Variants in PLEKHM2 observed in about 807,000 individuals in gnomAD.
PLEKHM2 encodes the protein pleckstrin homology domain-containing family M member 2.
PLEKHM2 carries 77 observed loss-of-function variants against 116.3 expected under a neutral mutation model. That is an observed-to-expected ratio of 0.66 (90% confidence interval 0.55 to 0.80). The LOEUF is 0.80. Among genes scored for constraint, PLEKHM2 ranks in the 30% least tolerant of loss-of-function variants. The pLI, the probability that PLEKHM2 is intolerant of heterozygous loss-of-function variation, is 0.00. For synonymous variants in PLEKHM2, 562 were observed against 571.0 expected, an observed-to-expected ratio of 0.98 and a Z score of 0.22; for missense variants, 1,183 against 1,354.9, an observed-to-expected ratio of 0.87 and a Z score of 1.99.
At position 15,727,185 on chromosome 1, in the gene PLEKHM2, C is replaced by G. The variant is rs1224535671; in HGVS notation, c.1113C>G (p.Ser371=). The G allele has an allele frequency of 1.2e-6, 2 of 1,605,146 alleles. No individual in the cohort carries two copies. Residue 371 remains serine (S), a synonymous_variant, in exon 9 of 20, where the codon TCC becomes TCG. Transcript: ENST00000375799. This position sits in a 1 kb window ranked among gnomAD's most constrained non-coding sequence, Gnocchi z 7.5. ...ACTCGCCAGACACTATGCTTGCCTC[C>G]CCCCAGGAGGAGGGAGAGGGGCCGA... The part of the protein sequence containing the change: ...GRDSPDTMLA[S]PQEEGEGPSS...
intron 1 of PLEKHM2, among the ~76,000 whole-genome samples, chr1:15,700,754 C>T (rs770230808): frequency 2.0e-5 from 3 of 152,186 alleles, no homozygotes; most frequent in Non-Finnish European, 4.4e-5. Flanking sequence ...TGTCTTAGAT[C>T]GCAGAGGAGA....
chr1:15,689,701 G>A (rs537367578), intron 1 of PLEKHM2, among the ~76,000 whole-genome samples: 11 of 152,312 alleles, frequency 7.2e-5, no homozygotes, highest in Non-Finnish European at 1.3e-4. Flanking sequence ...ACTTGCAAGC[G>A]TCTCTGTGGA....
chr1:15,720,019 C>T lies in PLEKHM2; in HGVS notation c.652+99C>T. The T allele has an allele frequency of 3.0e-6, 3 of 1,008,962 alleles. No homozygotes were observed. The South Asian group carries it at 5.4e-5, about 18-fold the overall frequency. The allele number at this position is 1,008,962 out of a possible 1,614,324, so 62.5% of individuals were successfully genotyped here. ...GATGTCTTCCTTGGCTAGTTTTGGT[C>T]TGGTGGCTGAAATTTGCAATTAAAC... On this transcript the variant is annotated intron_variant, in intron 6 of 19. Transcript: ENST00000375799.
chr1:15,708,515 C>T (rs9662456), intron 1 of PLEKHM2, among the ~76,000 whole-genome samples: 24,268 of 151,978 alleles, frequency 0.16, 3,529 homozygotes, highest in African/African-American at 0.39. Flanking sequence ...GTGCCCGGTC[C>T]GGAACGGCAT....
intron 1 of PLEKHM2, among the ~76,000 whole-genome samples, chr1:15,686,356 C>T (rs559494674): frequency 5.3e-5 from 8 of 152,296 alleles, no homozygotes; most frequent in Admixed American, 2.0e-4. Context: ...ATTGAATCCC[C>T]GCCCTGCCAA....
intron 1 of PLEKHM2, among the ~76,000 whole-genome samples, chr1:15,690,069 T>TG (rs201903117): frequency 0.096 from 14,449 of 150,632 alleles, 940 homozygotes; most frequent in African/African-American, 0.18. Context: ...GTTTTTTTTT[T>TG]TTTTGTTTTG....
chr1:15,715,044 T>A (rs905927875), intron 1 of PLEKHM2, among the ~76,000 whole-genome samples: 2 of 152,180 alleles, frequency 1.3e-5, no homozygotes, highest in Non-Finnish European at 2.9e-5. Flanking sequence ...CCAAATCTCC[T>A]TTTATCAGCC....
chr1:15,707,873 G>C (rs10927836), intron 1 of PLEKHM2, among the ~76,000 whole-genome samples: 55,934 of 152,062 alleles, frequency 0.37, 13,435 homozygotes, highest in African/African-American at 0.68. Flanking sequence ...CTACCATGGG[G>C]TTTTAGTTCT....
intron 1 of PLEKHM2, among the ~76,000 whole-genome samples, chr1:15,708,751 G>A (rs7514858): frequency 0.37 from 55,829 of 151,908 alleles, 13,409 homozygotes; most frequent in African/African-American, 0.68. Flanking sequence ...TACATTATTC[G>A]TTCTGGGACC....
chr1:15,730,776 T>C (rs2068131290), intron 15 of PLEKHM2, 54 bp downstream of exon 15: 5 of 1,432,878 alleles, frequency 3.5e-6, no homozygotes, highest in African/African-American at 1.4e-5. Context: ...GTGGCTGGGC[T>C]GTCAGGTCCC....
chr1:15,721,256 C>T lies in PLEKHM2; in HGVS notation c.653-73C>T. ...TCTCCCCATGTCTCCCACCCCATTT[C>T]CCCTCCCCTCCCTCCAGTCATCCTT... On this transcript the variant is annotated intron_variant, in intron 6 of 19. Coordinates refer to ENST00000375799, the MANE Select transcript of PLEKHM2 (RefSeq NM_015164.4). The surrounding 1 kb of genome is among the most constrained non-coding windows in gnomAD (Gnocchi z 5.1). 105 of 593,972 alleles carry T rather than the reference C, an allele frequency of 1.8e-4. No individual in the cohort carries two copies. The highest frequency in any genetic ancestry group is 2.3e-4 in the Non-Finnish European group (74 of 323,364). 36.8% of individuals were successfully genotyped at this position (593,972 alleles called of 1,614,324 possible). A position where few individuals can be genotyped will look rare whatever the true frequency, so the allele number is the denominator to read the frequency against.
At chr1:15,693,284 G>T (rs553420025) in intron 1 of PLEKHM2, among the ~76,000 whole-genome samples, 2 of 149,108 alleles carry the variant, frequency 1.3e-5, no homozygotes, top group African/African-American at 2.5e-5. Context: ...CAAGTGATCC[G>T]CCCGCCTTGG....
At chr1:15,688,607 G>A (rs554375216) in intron 1 of PLEKHM2, among the ~76,000 whole-genome samples, 6 of 146,714 alleles carry the variant, frequency 4.1e-5, no homozygotes, top group Middle Eastern at 3.6e-3. Flanking sequence ...CTGAGATCGC[G>A]CCATTGCACT....
Position 15,685,978 on chromosome 1 carries a change from C to T in PLEKHM2, c.60+1360C>T, listed in dbSNP as rs114291369. ...ATGGAAGAGAAAGGAACACAGGTGACCTTTCTAATCTAATCTGGGCTGATT... is the reference window on the plus strand; with the variant it reads ...ATGGAAGAGAAAGGAACACAGGTGATCTTTCTAATCTAATCTGGGCTGATT... On this transcript the variant is annotated intron_variant, in intron 1 of 19. Coordinates refer to ENST00000375799, the MANE Select transcript of PLEKHM2 (RefSeq NM_015164.4). 9.2e-3 allele frequency among the ~76,000 whole-genome samples: 1,405 copies of T among 152,268 alleles called. 21 individuals are homozygous for T. Among genetic ancestry groups the T allele is most frequent in the African/African-American group, 0.032 (1,344 of 41,524 alleles).
chr1:15,722,229 C>T (rs572787695), intron 7 of PLEKHM2, among the ~76,000 whole-genome samples: 3 of 152,160 alleles, frequency 2.0e-5, no homozygotes, highest in Non-Finnish European at 4.4e-5. Flanking sequence ...CTGTAACCTC[C>T]ACCTCCCGGG....
In PLEKHM2 at chr1:15,684,626, C is replaced by G; in HGVS notation, c.60+8C>G. The G allele has an allele frequency of 7.8e-7, 1 of 1,281,806 alleles. No individual in the cohort carries two copies. Among genetic ancestry groups the G allele is most frequent in the Non-Finnish European group, 1.0e-6 (1 of 1,002,320 alleles). 79.4% of individuals were successfully genotyped at this position (1,281,806 alleles called of 1,614,324 possible). On this transcript the variant is annotated splice_region_variant and intron_variant, in intron 1 of 19. Transcript: ENST00000375799. ...TCGCTGTCGGTGAAGAAGGTGAGCG[C>G]GGCCTCCCTCCCGGCCGGGGCCCCT...
chr1:15,729,772 A>G lies in PLEKHM2; in HGVS notation c.2076-25A>G, dbSNP rs1276306368. On this transcript the variant is annotated intron_variant, in intron 13 of 19. Coordinates refer to ENST00000375799, the MANE Select transcript of PLEKHM2 (RefSeq NM_015164.4). The surrounding 1 kb of genome is among the most constrained non-coding windows in gnomAD (Gnocchi z 4.7). ...TTGAGGCCCTGTTCCCAGGCCTCTA[A>G]CCACAAACCTCACTCCCTATGCAGG... The G allele has an allele frequency of 6.3e-7, 1 of 1,597,798 alleles. No individual in the cohort carries two copies. Among genetic ancestry groups the G allele is most frequent in the Admixed American group, 1.8e-5 (1 of 57,060 alleles).
chr1:15,727,137 C>G lies in PLEKHM2; in HGVS notation c.1065C>G (p.Asn355Lys), dbSNP rs377142193. 4.4e-6 allele frequency: 7 copies of G among 1,592,770 alleles called. No individual in the cohort carries two copies. Among genetic ancestry groups the G allele is most frequent in the Non-Finnish European group, 4.3e-6 (5 of 1,169,084 alleles). ...AGCAGGGGGACGGTGACAGCCGCAA[C>G]GGCAGCCCAAGCCTTGGGCGGGACT... ...CAKQGDGDSRNGSPSLGRDSP... is the reference protein window; with the variant it reads ...CAKQGDGDSRKGSPSLGRDSP... Residue 355 changes from asparagine to lysine, a missense_variant, in exon 9 of 20, where the codon AAC (asparagine) becomes AAG (lysine). Asn to Lys is a moderately conservative substitution (Grantham distance 94, BLOSUM62 0). Transcript: ENST00000375799. The surrounding 1 kb of genome is among the most constrained non-coding windows in gnomAD (Gnocchi z 7.5).
chr1:15,727,327 G>A lies in PLEKHM2; in HGVS notation c.1255G>A (p.Gly419Arg), dbSNP rs199522123. 9.3e-5 allele frequency: 148 copies of A among 1,598,310 alleles called. No homozygotes were observed. The East Asian group carries it at 2.4e-3, about 26-fold the overall frequency. Residue 419 changes from glycine (G) to arginine (R), a missense_variant, in exon 9 of 20, where the codon GGG becomes AGG. By Grantham distance (125) the Gly-to-Arg change is moderately radical. Coordinates refer to ENST00000375799, the MANE Select transcript of PLEKHM2 (RefSeq NM_015164.4). This position sits in a 1 kb window ranked among gnomAD's most constrained non-coding sequence, Gnocchi z 7.5. ...GAGCAAGGTTATCGACCAGCTCAACGGGCAGCTGGACCCCAGCACCTGGTG... is the reference window on the plus strand; with the variant it reads ...GAGCAAGGTTATCGACCAGCTCAACAGGCAGCTGGACCCCAGCACCTGGTG... Reference protein sequence around the residue: ...PLSKVIDQLNGQLDPSTWCSR... With the variant: ...PLSKVIDQLNRQLDPSTWCSR...
Sources: allele counts gnomAD v4.1 joint callset (sites outside exome capture counted in the v4.1 genomes callset), GRCh38; gene constraint gnomAD v4.1.1; non-coding constraint Gnocchi (gnomAD v3.1); transcripts MANE v1.5; gene names NCBI Gene and HGNC (gene_info 2026-07-23, HGNC 2026-07-21).